The following SENP1 variants were observed in gnomAD, a reference collection of about 807,000 sequenced individuals.
SENP1 encodes the protein sentrin-specific protease 1.
Under a neutral mutation model 93.0 loss-of-function variants are expected in SENP1, and 21 were observed. The ratio of observed to expected loss-of-function variants is 0.23; its 90% CI spans 0.16 to 0.33. SENP1 has a LOEUF of 0.33. Ranked by LOEUF, SENP1 falls within the 10% of genes least tolerant of loss-of-function variation. SENP1 has a pLI of 1.00. For synonymous variants in SENP1, 256 were observed against 259.6 expected (o/e 0.99, Z 0.13); for missense variants, 591 against 758.7 (o/e 0.78, Z 2.60).
chr12:48,085,396 T>G, intron 5 of SENP1: 1 of 1,246,410 alleles, frequency 8.0e-7, no homozygotes, highest in Non-Finnish European at 1.2e-6. Context: ...GCCAGGGGCA[T>G]GTTCACTGCC....
At chr12:48,067,624 G>T (rs1186171587) in intron 9 of SENP1, among the ~76,000 whole-genome samples, 1 of 152,118 alleles carries the variant, frequency 6.6e-6, no homozygotes, top group Non-Finnish European at 1.5e-5. Context: ...CTTTTCCAAA[G>T]AAAACTATTA....
At chr12:48,077,442 TATGAG>T (rs1944180063) in intron 6 of SENP1, among the ~76,000 whole-genome samples, 2 of 152,222 alleles carry the variant, frequency 1.3e-5, no homozygotes, top group African/African-American at 4.8e-5. Context: ...TTGCATATGG[TATGAG>T]ATAAGGACCT....
intron 5 of SENP1, among the ~76,000 whole-genome samples, chr12:48,087,229 A>G (rs1944940132): frequency 6.6e-6 from 1 of 152,230 alleles, no homozygotes; most frequent in Admixed American, 6.5e-5. Flanking sequence ...TATGTATACT[A>G]TAAACTCATT....
rs1323327924 is a variant in SENP1 at position 48,103,935 on chromosome 12, G to A, written c.-45+2093C>T. The stretch of plus-strand genomic sequence containing the variant: ...TTACTAGAAAATATATATTGAGGCT[G>A]GGCACGGTGGCTCACACCTGTAATC... On this transcript the variant is annotated intron_variant, in intron 1 of 17. Transcript: ENST00000549518. Among the ~76,000 whole-genome samples, 5 of 152,238 alleles carry A rather than the reference G, an allele frequency of 3.3e-5. No homozygotes were observed. In the East Asian group the frequency reaches 5.8e-4, roughly 18 times the overall value.
chr12:48,047,933 G>A (rs1941493587), intron 15 of SENP1, 68 bp downstream of exon 15: 2 of 981,824 alleles, frequency 2.0e-6, no homozygotes, highest in East Asian at 4.8e-5. Flanking sequence ...AAACAACTGA[G>A]TTCAATTACT....
intron 2 of SENP1, 67 bp downstream of exon 2, chr12:48,101,402 C>T: frequency 8.0e-7 from 1 of 1,244,844 alleles, no homozygotes; most frequent in South Asian, 1.3e-5. Context: ...GTTAGGAAAA[C>T]CCATTCTTTC....
intron 4 of SENP1, among the ~76,000 whole-genome samples, chr12:48,095,902 AGTT>A (rs1164093809): frequency 6.6e-6 from 1 of 152,224 alleles, no homozygotes; most frequent in Non-Finnish European, 1.5e-5. Context: ...AGAAACATGT[AGTT>A]AACATTTCCT....
rs758564975 is a variant in SENP1 at position 48,075,148 on chromosome 12, G to A, written c.553-355C>T. Among the ~76,000 whole-genome samples, 6 of 152,198 alleles carry A rather than the reference G, an allele frequency of 3.9e-5. No individual in the cohort carries two copies. In the South Asian group the frequency reaches 1.2e-3, roughly 32 times the overall value. On this transcript the variant is annotated intron_variant, in intron 6 of 17. Transcript: ENST00000549518. Reference sequence around the variant, plus strand: ...GGATAATCACTTGAACCTGGAAGGCGAAGGTTGCAGTGAGCCAAGATGGTG... The same window carrying A: ...GGATAATCACTTGAACCTGGAAGGCAAAGGTTGCAGTGAGCCAAGATGGTG...
intron 1 of SENP1, chr12:48,105,522 T>C (rs1370861023): frequency 3.9e-6 from 2 of 518,244 alleles, no homozygotes; most frequent in African/African-American, 1.9e-5. Context: ...CTCAGGGAGA[T>C]ACCACAGAGT....
intron 15 of SENP1, 133 bp from the exon 16 acceptor site, chr12:48,047,195 C>G: frequency 1.7e-6 from 1 of 586,684 alleles, no homozygotes; most frequent in Non-Finnish European, 3.0e-6. Context: ...GTATATAATA[C>G]TGGGCAGGGA....
intron 13 of SENP1, among the ~76,000 whole-genome samples, chr12:48,057,876 C>G (rs935217402): frequency 6.7e-6 from 1 of 149,276 alleles, no homozygotes; most frequent in Non-Finnish European, 1.5e-5. Flanking sequence ...GGATTATAGA[C>G]GTGAGCCACT....
chr12:48,072,263 C>A (rs1592372706), intron 8 of SENP1, among the ~76,000 whole-genome samples: 1 of 152,204 alleles, frequency 6.6e-6, no homozygotes, highest in African/African-American at 2.4e-5. Flanking sequence ...TTGTATGCAC[C>A]ACCTGTCATT....
chr12:48,079,017 A>C (rs935795621), intron 6 of SENP1, among the ~76,000 whole-genome samples: 3 of 152,128 alleles, frequency 2.0e-5, no homozygotes, highest in African/African-American at 7.2e-5. Flanking sequence ...GCTGCATATT[A>C]GCATGTGCCT....
intron 5 of SENP1, among the ~76,000 whole-genome samples, chr12:48,084,049 T>C (rs965347393): frequency 6.6e-6 from 1 of 152,214 alleles, no homozygotes; most frequent in African/African-American, 2.4e-5. Context: ...CATATAGTTT[T>C]GTGGTATGAC....
intron 13 of SENP1, among the ~76,000 whole-genome samples, chr12:48,050,991 A>C (rs1029264875): frequency 2.6e-5 from 4 of 151,960 alleles, no homozygotes; most frequent in Admixed American, 2.6e-4. Flanking sequence ...TCAGGCAGAG[A>C]GATAAGGACG....
Position 48,045,229 on chromosome 12 carries a change from GA to G in SENP1, c.*92del. 9.7e-7 allele frequency: 1 copy of G among 1,027,356 alleles called. No homozygotes were observed. Among genetic ancestry groups the G allele is most frequent in the Non-Finnish European group, 1.5e-6 (1 of 661,070 alleles). 63.6% of individuals were successfully genotyped at this position (1,027,356 alleles called of 1,614,324 possible). ...CAGGATCAAGGGTGTTACAACAGCAGAGGGCTGGGAGCAGCTGTTTCCAAGG... is the reference window on the plus strand; with the variant it reads ...CAGGATCAAGGGTGTTACAACAGCAGGGGCTGGGAGCAGCTGTTTCCAAGG... On this transcript the variant is annotated 3_prime_UTR_variant, in exon 18 of 18. Transcript: ENST00000549518.
At chr12:48,051,904 GACTA>G (rs1266997734) in intron 13 of SENP1, among the ~76,000 whole-genome samples, 7 of 152,288 alleles carry the variant, frequency 4.6e-5, no homozygotes, top group South Asian at 2.1e-4. Context: ...ACAATCTGAG[GACTA>G]ACTGTCAACA....
intron 6 of SENP1, among the ~76,000 whole-genome samples, chr12:48,076,243 G>A (rs999903616): frequency 2.6e-5 from 4 of 152,230 alleles, no homozygotes; most frequent in Non-Finnish European, 5.9e-5. Flanking sequence ...ATCTCGTACT[G>A]TGATATTTCG....
intron 13 of SENP1, among the ~76,000 whole-genome samples, chr12:48,049,853 T>C (rs548481020): frequency 6.6e-6 from 1 of 152,294 alleles, no homozygotes; most frequent in South Asian, 2.1e-4. Context: ...TAAAGTCAAG[T>C]CACAAACATG....
Sources: allele counts gnomAD v4.1 joint callset (sites outside exome capture counted in the v4.1 genomes callset), GRCh38; gene constraint gnomAD v4.1.1; transcripts MANE v1.5; gene names NCBI Gene and HGNC (gene_info 2026-07-23, HGNC 2026-07-21).